The following ASCC3 variants were observed in gnomAD, a reference collection of about 807,000 sequenced individuals.
ASCC3 encodes the protein ASC-1 complex subunit P200.
ASCC3 carries 158 observed loss-of-function variants against 256.3 expected under a neutral mutation model. The observed-to-expected ratio is 0.62, with a 90% CI of 0.54 to 0.70. The LOEUF is 0.70. Among genes scored for constraint, ASCC3 ranks in the 30% least tolerant of loss-of-function variants. ASCC3 has a pLI of 0.00. For synonymous variants in ASCC3, 948 were observed against 883.4 expected (o/e 1.07, Z -1.30); for missense variants, 2,259 against 2,626.0 (o/e 0.86, Z 3.05).
At chr6:100,684,194 T>C (rs1777447206) in intron 13 of ASCC3, among the ~76,000 whole-genome samples, 1 of 152,204 alleles carries the variant, frequency 6.6e-6, no homozygotes, top group Non-Finnish European at 1.5e-5. Flanking sequence ...CTGCTAAATA[T>C]CAGTGTGAGT....
At position 100,731,116 on chromosome 6, in the gene ASCC3, CA is replaced by C. The variant is rs904476096; in HGVS notation, c.1738-5414del. Reference sequence around the variant, plus strand: ...AGCTAAAATTTCAAATTGACATTTACAAAAAAAAAGGATAATTCAAGAAGAA... The same window carrying C: ...AGCTAAAATTTCAAATTGACATTTACAAAAAAAAGGATAATTCAAGAAGAA... On this transcript the variant is annotated intron_variant, in intron 10 of 41. Transcript: ENST00000369162. Among the ~76,000 whole-genome samples, 949 of 144,754 alleles carry C rather than the reference CA, an allele frequency of 6.6e-3. 13 individuals carry two copies. The highest frequency in any genetic ancestry group is 0.023 in the African/African-American group (899 of 39,402). The allele number at this position is 144,754 out of a possible 152,430, so 95.0% of individuals were successfully genotyped here.
intron 37 of ASCC3, among the ~76,000 whole-genome samples, chr6:100,523,992 A>G (rs1212220598): frequency 6.6e-6 from 1 of 152,140 alleles, no homozygotes; most frequent in East Asian, 1.9e-4. Context: ...TTTCAGTAAC[A>G]GCTCTCATCT....
chr6:100,686,574 T>C (rs1481450218), intron 13 of ASCC3, among the ~76,000 whole-genome samples: 1 of 152,206 alleles, frequency 6.6e-6, no homozygotes, highest in African/African-American at 2.4e-5. Context: ...AGTTGCATAG[T>C]ATTCCATTAC....
chr6:100,668,847 G>A (rs1776603669), intron 14 of ASCC3, among the ~76,000 whole-genome samples: 2 of 151,794 alleles, frequency 1.3e-5, no homozygotes, highest in African/African-American at 4.8e-5. Flanking sequence ...GCTACATTCA[G>A]TCCTGATGAT....
At chr6:100,703,682 C>T (rs1284908526) in intron 13 of ASCC3, among the ~76,000 whole-genome samples, 1 of 151,766 alleles carries the variant, frequency 6.6e-6, no homozygotes, top group Non-Finnish European at 1.5e-5. Context: ...TTTCTTCTGG[C>T]CTTTACTTTA....
At chr6:100,564,265 TTAA>T (rs1770116179) in intron 36 of ASCC3, among the ~76,000 whole-genome samples, 1 of 152,044 alleles carries the variant, frequency 6.6e-6, no homozygotes, top group Non-Finnish European at 1.5e-5. Flanking sequence ...TAAATTCTTG[TTAA>T]TAATAGTCAC....
intron 36 of ASCC3, among the ~76,000 whole-genome samples, chr6:100,567,853 A>C (rs2114717901): frequency 6.6e-6 from 1 of 152,270 alleles, no homozygotes; most frequent in South Asian, 2.1e-4. Context: ...TGCTGAGATA[A>C]ACATGTGAGT....
chr6:100,508,703 G>A lies in ASCC3; in HGVS notation c.*683C>T, dbSNP rs973912656. 1 of 152,210 alleles carries A rather than the reference G, an allele frequency of 6.6e-6. No individual in the cohort carries two copies. Among genetic ancestry groups the A allele is most frequent in the Non-Finnish European group, 1.5e-5 (1 of 68,056 alleles). The allele number at this position is 152,210 out of a possible 1,614,324, so 9.4% of individuals were successfully genotyped here. A position where few individuals can be genotyped will look rare whatever the true frequency, so the allele number is the denominator to read the frequency against. ...ATGAGTAAGGGGATATTATTTAAAG[G>A]AAGCAGAAGAAAACATTGAGTCAGC... On this transcript the variant is annotated 3_prime_UTR_variant, in exon 42 of 42. Transcript: ENST00000369162.
At chr6:100,610,484 C>G (rs988686953) in intron 30 of ASCC3, among the ~76,000 whole-genome samples, 2 of 151,430 alleles carry the variant, frequency 1.3e-5, no homozygotes, top group Non-Finnish European at 2.9e-5. Flanking sequence ...TTATAATAAT[C>G]CATAAAATAG....
At chr6:100,779,789 T>C (rs1358459802) in intron 8 of ASCC3, among the ~76,000 whole-genome samples, 1 of 152,140 alleles carries the variant, frequency 6.6e-6, no homozygotes, top group African/African-American at 2.4e-5. Flanking sequence ...GACCAGTTTG[T>C]TTCCATAGAA....
At chr6:100,604,691 C>T (rs78974299) in intron 33 of ASCC3, among the ~76,000 whole-genome samples, 113 of 152,034 alleles carry the variant, frequency 7.4e-4, no homozygotes, top group African/African-American at 2.6e-3. Context: ...AGCAATTCTG[C>T]CTCAGCCTTC....
chr6:100,518,089 G>A lies in ASCC3; in HGVS notation c.5829C>T (p.Ile1943=). The A allele has an allele frequency of 1.2e-6, 2 of 1,613,692 alleles. No homozygotes were observed. Among genetic ancestry groups the A allele is most frequent in the Non-Finnish European group, 8.5e-7 (1 of 1,179,732 alleles). The part of the protein sequence containing the change: ...NQGWLVTVLN[I]TNLIQMVIQG... ...GGATCACCATCTGAATCAGGTTGGTGATATTCAGGACAGTCACCAGCCAGC... is the reference window on the plus strand; with the variant it reads ...GGATCACCATCTGAATCAGGTTGGTAATATTCAGGACAGTCACCAGCCAGC... The change falls in exon 38 of 42, where the codon ATC becomes ATT. Residue 1943 remains isoleucine (I), a synonymous_variant. Transcript: ENST00000369162.
chr6:100,554,103 T>C (rs936243604), intron 36 of ASCC3, among the ~76,000 whole-genome samples: 3 of 152,198 alleles, frequency 2.0e-5, no homozygotes, highest in African/African-American at 7.2e-5. Flanking sequence ...TTACATGTAC[T>C]GTGACCCTTA....
intron 4 of ASCC3, among the ~76,000 whole-genome samples, chr6:100,828,799 T>C (rs1007998559): frequency 3.3e-5 from 5 of 152,064 alleles, no homozygotes; most frequent in African/African-American, 1.2e-4. Flanking sequence ...GCAGGATTTA[T>C]TGCAAAGAGC....
intron 8 of ASCC3, among the ~76,000 whole-genome samples, chr6:100,782,149 A>G (rs1782479617): frequency 6.6e-6 from 1 of 152,142 alleles, no homozygotes; most frequent in African/African-American, 2.4e-5. Context: ...CCTCTACTAT[A>G]CATAACAGAG....
In ASCC3 at chr6:100,550,438, T is replaced by G. The variant is rs1032826402; in HGVS notation, c.5551-10051A>C. Among the ~76,000 whole-genome samples the G allele has an allele frequency of 5.9e-5, 9 of 152,002 alleles. No individual in the cohort carries two copies. In the South Asian group the frequency reaches 1.9e-3, roughly 31 times the overall value. ...GAAACCTCTGAAAGTGTGAACATCT[T>G]TCTAAATATGTTTCTAGTATTCAAA... On this transcript the variant is annotated intron_variant, in intron 36 of 41. Coordinates refer to ENST00000369162, the MANE Select transcript of ASCC3 (RefSeq NM_006828.4).
chr6:100,864,573 T>G (rs1562354551), intron 2 of ASCC3, among the ~76,000 whole-genome samples: 1 of 152,206 alleles, frequency 6.6e-6, no homozygotes, highest in Non-Finnish European at 1.5e-5. Context: ...CTGCTTGTTT[T>G]TAATATAGCT....
Position 100,651,620 on chromosome 6 carries a change from G to A in ASCC3, c.3015C>T (p.His1005=). ...TGGCAAAGATATCACCTTCTGTTTT[G>A]TGAGCATCAAAGAGTTCATTAAAGG... ...IETFNELFDA[H]KTEGDIFAIV... is the part of the protein sequence containing the mutation. The change falls in exon 19 of 42, where the codon CAC becomes CAT. Residue 1005 remains histidine (H), a synonymous_variant. Coordinates refer to ENST00000369162, the MANE Select transcript of ASCC3 (RefSeq NM_006828.4). 1 of 1,586,726 alleles carries A rather than the reference G, an allele frequency of 6.3e-7. No homozygotes were observed. The highest frequency in any genetic ancestry group is 1.2e-5 in the South Asian group (1 of 85,884).
intron 30 of ASCC3, among the ~76,000 whole-genome samples, chr6:100,618,946 T>G (rs1773806145): frequency 6.6e-6 from 1 of 152,208 alleles, no homozygotes. Flanking sequence ...AATAGGATGA[T>G]GCCATTGAAT....
Sources: allele counts gnomAD v4.1 joint callset (sites outside exome capture counted in the v4.1 genomes callset), GRCh38; gene constraint gnomAD v4.1.1; transcripts MANE v1.5; gene names NCBI Gene and HGNC (gene_info 2026-07-23, HGNC 2026-07-21).